Variants in TTC28 observed in about 807,000 individuals in gnomAD.
TTC28 encodes tetratricopeptide repeat protein 28.
Under a neutral mutation model 198.0 loss-of-function variants are expected in TTC28, and 61 were observed. The observed-to-expected ratio is 0.31, with a 90% CI of 0.25 to 0.38. TTC28 has a LOEUF of 0.38. TTC28 is among the 10% of genes least tolerant of loss of function. The pLI, the probability that TTC28 is intolerant of heterozygous loss-of-function variation, is 1.00. For missense variants in TTC28, 2,678 were observed against 3,164.0 expected, an observed-to-expected ratio of 0.85 and a Z score of 3.69; for synonymous variants, 1,171 against 1,297.8, an observed-to-expected ratio of 0.90 and a Z score of 2.10.
chr22:28,644,881 C>T (rs926665374), intron 1 of TTC28, among the ~76,000 whole-genome samples: 1 of 151,862 alleles, frequency 6.6e-6, no homozygotes, highest in Non-Finnish European at 1.5e-5. Context: ...CGCGGTGGCT[C>T]ACCCCTGTAA....
chr22:28,094,389 A>G, intron 11 of TTC28, 144 bp from the exon 12 acceptor site: 1 of 946,158 alleles, frequency 1.1e-6, no homozygotes, highest in East Asian at 2.8e-5. Flanking sequence ...AAATCCTGAA[A>G]TCCAAGGTCT....
At chr22:28,171,116 T>C (rs1011893493) in intron 5 of TTC28, among the ~76,000 whole-genome samples, 1 of 152,114 alleles carries the variant, frequency 6.6e-6, no homozygotes, top group African/African-American at 2.4e-5. Context: ...AGATGTTACA[T>C]GGTTTCTAGA....
At chr22:28,056,144 T>C (rs1940278822) in intron 12 of TTC28, 1 of 152,038 alleles carries the variant, frequency 6.6e-6, no homozygotes, top group African/African-American at 2.4e-5. Flanking sequence ...TATCATTAGC[T>C]TTTTTTTCAG....
intron 3 of TTC28, among the ~76,000 whole-genome samples, chr22:28,299,242 T>TA (rs60581127): frequency 0.13 from 18,660 of 145,294 alleles, 1,266 homozygotes; most frequent in African/African-American, 0.15. Context: ...TATGCACATG[T>TA]AAAAAAAAAA....
At chr22:28,228,964 G>A (rs1356149133) in intron 5 of TTC28, among the ~76,000 whole-genome samples, 1 of 151,960 alleles carries the variant, frequency 6.6e-6, no homozygotes, top group Non-Finnish European at 1.5e-5. Context: ...AGACCATCCT[G>A]GCCAACACAG....
chr22:27,982,115 A>G lies in TTC28; in HGVS notation c.*106T>C. ...CCCCTCGCCTGCAGAGCACAGCATCATGAGGGTGCTGGTGGCTGTGGGGGG... is the reference window on the plus strand; with the variant it reads ...CCCCTCGCCTGCAGAGCACAGCATCGTGAGGGTGCTGGTGGCTGTGGGGGG... On this transcript the variant is annotated 3_prime_UTR_variant, in exon 23 of 23. Coordinates refer to ENST00000397906, the MANE Select transcript of TTC28 (RefSeq NM_001145418.2). The surrounding 1 kb of genome is among the most constrained non-coding windows in gnomAD (Gnocchi z 5.2). The G allele has an allele frequency of 8.4e-6, 10 of 1,185,368 alleles. No individual in the cohort carries two copies. The highest frequency in any genetic ancestry group is 1.2e-5 in the Non-Finnish European group (10 of 865,206). The allele number at this position is 1,185,368 out of a possible 1,614,324, so 73.4% of individuals were successfully genotyped here.
At chr22:28,490,561 A>C (rs1208709885) in intron 2 of TTC28, among the ~76,000 whole-genome samples, 1 of 152,236 alleles carries the variant, frequency 6.6e-6, no homozygotes, top group Non-Finnish European at 1.5e-5. Flanking sequence ...ATACTGGTGG[A>C]TAGAACTAAA....
intron 5 of TTC28, among the ~76,000 whole-genome samples, chr22:28,287,563 G>T (rs1014649974): frequency 1.3e-5 from 2 of 152,146 alleles, no homozygotes; most frequent in Non-Finnish European, 2.9e-5. Context: ...AGTCAAAGAT[G>T]AGGCCTTCTA....
intron 2 of TTC28, among the ~76,000 whole-genome samples, chr22:28,492,115 T>TC (rs1555883574): frequency 1.2e-5 from 1 of 82,858 alleles, no homozygotes; most frequent in Non-Finnish European, 2.5e-5. Flanking sequence ...TGTTGTGGGG[T>TC]GGGGGGGAGC....
At chr22:28,182,432 A>G (rs777933150) in intron 5 of TTC28, among the ~76,000 whole-genome samples, 31 of 152,186 alleles carry the variant, frequency 2.0e-4, no homozygotes, top group Middle Eastern at 3.2e-3. Context: ...TATATTGAAG[A>G]AACTCAGAGA....
At chr22:28,585,183 G>A (rs912302990) in intron 2 of TTC28, among the ~76,000 whole-genome samples, 6 of 152,084 alleles carry the variant, frequency 3.9e-5, no homozygotes, top group Admixed American at 1.3e-4. Context: ...AGATGGTTTC[G>A]GGATGATTCA....
rs530417022 is a variant in TTC28 at position 28,523,987 on chromosome 22, C to T, written c.381+105565G>A. On this transcript the variant is annotated intron_variant, in intron 2 of 22. Coordinates refer to ENST00000397906, the MANE Select transcript of TTC28 (RefSeq NM_001145418.2). The stretch of plus-strand genomic sequence containing the variant: ...TTCCTCCTTTCTCCCTTTTTTCTTC[C>T]GCCCCCTTAAAACTTACATGAAGGC... Among the ~76,000 whole-genome samples the T allele has an allele frequency of 2.0e-5, 3 of 151,972 alleles. No individual in the cohort carries two copies. In the East Asian group the frequency reaches 5.8e-4, roughly 29 times the overall value.
intron 5 of TTC28, among the ~76,000 whole-genome samples, chr22:28,251,661 AC>A (rs1437343022): frequency 1.3e-5 from 2 of 152,182 alleles, no homozygotes; most frequent in Non-Finnish European, 2.9e-5. Flanking sequence ...GATTTATTTA[AC>A]CTTTTTGAGC....
intron 2 of TTC28, among the ~76,000 whole-genome samples, chr22:28,492,314 G>T (rs1014835685): frequency 6.6e-6 from 1 of 152,008 alleles, no homozygotes; most frequent in African/African-American, 2.4e-5. Context: ...AAAAGAGAAA[G>T]AAAATAGCTT....
In TTC28 at chr22:28,403,701, T is replaced by C. The variant is rs1003363659; in HGVS notation, c.382-97058A>G. On this transcript the variant is annotated intron_variant, in intron 2 of 22. Coordinates refer to ENST00000397906, the MANE Select transcript of TTC28 (RefSeq NM_001145418.2). The stretch of plus-strand genomic sequence containing the variant: ...TTTAACTGTAAATGATAGTATCCTG[T>C]CTCGCAAATGCCCATTTTGTCTGCT... Among the ~76,000 whole-genome samples the C allele has an allele frequency of 1.2e-4, 18 of 152,320 alleles. No individual in the cohort carries two copies. In the Middle Eastern group the frequency reaches 0.01, roughly 86 times the overall value.
rs1266991905 is a variant in TTC28, at chr22:27,982,412, G to A, written c.7255C>T (p.Gln2419Ter). 1.3e-6 allele frequency: 2 copies of A among 1,551,398 alleles called. No individual in the cohort carries two copies. Among genetic ancestry groups the A allele is most frequent in the African/African-American group, 1.4e-5 (1 of 73,004 alleles). ...TTCGGTGGAGCTCCGTCATGCTGCT[G>A]CAGGGACAGCTCCTTCAGTTCAAGC... ...DKLELKELSL[Q>*]QHDGAPPKAP... The change falls in exon 23 of 23, where the codon CAG becomes TAG. Residue 2419 changes from glutamine (Q) to a stop codon, truncating the protein, a stop_gained. Coordinates refer to ENST00000397906, the MANE Select transcript of TTC28 (RefSeq NM_001145418.2). LOFTEE classifies it low-confidence loss of function (END_TRUNC). This position sits in a 1 kb window ranked among gnomAD's most constrained non-coding sequence, Gnocchi z 5.2.
chr22:28,468,038 T>G (rs1415367841), intron 2 of TTC28, among the ~76,000 whole-genome samples: 1 of 152,140 alleles, frequency 6.6e-6, no homozygotes, highest in African/African-American at 2.4e-5. Flanking sequence ...CCCAAAGTGC[T>G]AGGATATTAC....
At chr22:28,220,858 T>G (rs79111819) in intron 5 of TTC28, among the ~76,000 whole-genome samples, 1 of 151,926 alleles carries the variant, frequency 6.6e-6, no homozygotes, top group Non-Finnish European at 1.5e-5. Flanking sequence ...GTGTGACTAG[T>G]AGAGAATAGG....
chr22:28,553,838 C>T (rs1287867633), intron 2 of TTC28, among the ~76,000 whole-genome samples: 1 of 151,870 alleles, frequency 6.6e-6, no homozygotes, highest in African/African-American at 2.4e-5. Context: ...AAGTGAGGAG[C>T]CCCTCTGCCT....
Sources: allele counts gnomAD v4.1 joint callset (sites outside exome capture counted in the v4.1 genomes callset), GRCh38; gene constraint gnomAD v4.1.1; non-coding constraint Gnocchi (gnomAD v3.1); transcripts MANE v1.5; gene names NCBI Gene and HGNC (gene_info 2026-07-23, HGNC 2026-07-21).